The following CACNA1C variants were observed in gnomAD, a reference collection of about 807,000 sequenced individuals.
CACNA1C encodes calcium voltage-gated channel subunit alpha1 C.
Under a neutral mutation model 229.0 loss-of-function variants are expected in CACNA1C, and 30 were observed. The observed-to-expected ratio is 0.13, with a 90% CI of 0.10 to 0.18. The LOEUF is 0.18. Ranked by LOEUF, CACNA1C falls within the 10% of genes least tolerant of loss-of-function variation. The probability of loss-of-function intolerance (pLI) is 1.00; values close to 1 mark genes in which losing one functional copy is unlikely to be tolerated. For synonymous variants in CACNA1C, 1,114 were observed against 1,132.5 expected, an observed-to-expected ratio of 0.98 and a Z score of 0.33; for missense variants, 1,658 against 2,845.0, an observed-to-expected ratio of 0.58 and a Z score of 9.49.
At chr12:2,137,306 C>T (rs114548768) in intron 3 of CACNA1C, among the ~76,000 whole-genome samples, 2,083 of 151,202 alleles carry the variant, frequency 0.014, 57 homozygotes, top group African/African-American at 0.046. Context: ...TTAGGTTTCT[C>T]GGCTGTGAAA....
chr12:2,596,705 G>A (rs2068407318), intron 20 of CACNA1C, among the ~76,000 whole-genome samples: 1 of 152,072 alleles, frequency 6.6e-6, no homozygotes, highest in Non-Finnish European at 1.5e-5. Flanking sequence ...CCGGTCCTCA[G>A]CCTGTGCAGA....
chr12:2,188,553 G>T (rs911892547), intron 3 of CACNA1C, among the ~76,000 whole-genome samples: 1 of 151,816 alleles, frequency 6.6e-6, no homozygotes, highest in Non-Finnish European at 1.5e-5. Flanking sequence ...TGCACCTAAT[G>T]GATAAAATCT....
chr12:2,007,615 A>G (rs981970327), intron 1 of CACNA1C, among the ~76,000 whole-genome samples: 2 of 152,230 alleles, frequency 1.3e-5, no homozygotes, highest in African/African-American at 4.8e-5. Flanking sequence ...GGAAAATTTC[A>G]CATATGTGAA....
intron 3 of CACNA1C, among the ~76,000 whole-genome samples, chr12:2,363,441 C>A (rs547793795): frequency 6.6e-6 from 1 of 152,224 alleles, no homozygotes. Context: ...GTTACCAACC[C>A]GTACTCACAA....
intron 29 of CACNA1C, among the ~76,000 whole-genome samples, chr12:2,619,413 T>TGTG (rs1366132831): frequency 6.6e-6 from 1 of 152,232 alleles, no homozygotes; most frequent in African/African-American, 2.4e-5. Context: ...CCCTCTTGTC[T>TGTG]GTGACCATTT....
At chr12:1,981,482 G>C (rs1043874558) in intron 1 of CACNA1C, among the ~76,000 whole-genome samples, 3 of 152,160 alleles carry the variant, frequency 2.0e-5, no homozygotes, top group Non-Finnish European at 4.4e-5. Flanking sequence ...AGAGAAGCCA[G>C]GACAAAATAT....
Position 2,597,723 on chromosome 12 carries a change from C to T in CACNA1C, c.2853+434C>T, listed in dbSNP as rs1419220697. On this transcript the variant is annotated intron_variant, in intron 21 of 46. Coordinates refer to ENST00000399655, the MANE Select transcript of CACNA1C (RefSeq NM_000719.7). The surrounding 1 kb of genome is among the most constrained non-coding windows in gnomAD (Gnocchi z 4.3). ...GCTCCTCCCTCCAGCCACCCCTAAG[C>T]AGTCCGTGGCCTGGAAGGGACACGT... is the stretch of plus-strand genomic sequence containing the variant. Among the ~76,000 whole-genome samples the T allele has an allele frequency of 6.6e-6, 1 of 152,212 alleles. No homozygotes were observed. Among genetic ancestry groups the T allele is most frequent in the African/African-American group, 2.4e-5 (1 of 41,446 alleles).
chr12:2,074,691 A>G (rs2062551167), intron 1 of CACNA1C, among the ~76,000 whole-genome samples: 1 of 152,140 alleles, frequency 6.6e-6, no homozygotes, highest in African/African-American at 2.4e-5. Context: ...CAGCAAATGG[A>G]TGAATTAGAC....
At position 2,378,880 on chromosome 12, in the gene CACNA1C, CA is replaced by C. The variant is rs1248855675; in HGVS notation, c.478-70095del. The stretch of plus-strand genomic sequence containing the variant: ...TTCTTTCCTTTCTTTGCCAATAGGC[CA>C]CCGTAGTCAGTTTCATGTGTCTTCC... On this transcript the variant is annotated intron_variant, in intron 3 of 46. Coordinates refer to ENST00000399655, the MANE Select transcript of CACNA1C (RefSeq NM_000719.7). 2.6e-5 allele frequency among the ~76,000 whole-genome samples: 4 copies of C among 151,568 alleles called. No homozygotes were observed. In the East Asian group the frequency reaches 5.8e-4, roughly 22 times the overall value.
At chr12:2,523,263 C>T (rs1207313054) in intron 9 of CACNA1C, among the ~76,000 whole-genome samples, 1 of 151,952 alleles carries the variant, frequency 6.6e-6, no homozygotes, top group Non-Finnish European at 1.5e-5. Flanking sequence ...ATCTTGCTCA[C>T]GGAAAGAAAA....
chr12:1,987,933 G>A (rs1271810001), intron 1 of CACNA1C, among the ~76,000 whole-genome samples: 1 of 152,128 alleles, frequency 6.6e-6, no homozygotes, highest in Non-Finnish European at 1.5e-5. Flanking sequence ...CTCTTAAAAA[G>A]TAGCTGTAAA....
At chr12:2,598,337 A>C (rs1021769542) in intron 21 of CACNA1C, among the ~76,000 whole-genome samples, 3 of 152,226 alleles carry the variant, frequency 2.0e-5, no homozygotes, top group Admixed American at 6.5e-5. Context: ...AGCCCACCTC[A>C]GGGCAACACT....
intron 3 of CACNA1C, among the ~76,000 whole-genome samples, chr12:2,417,044 C>T (rs1459448173): frequency 1.3e-5 from 2 of 152,232 alleles, no homozygotes; most frequent in African/African-American, 4.8e-5. Flanking sequence ...CTTAAACATG[C>T]TTGCAGTGGA....
At chr12:2,019,023 A>G (rs2045915156) in intron 1 of CACNA1C, among the ~76,000 whole-genome samples, 1 of 152,106 alleles carries the variant, frequency 6.6e-6, no homozygotes, top group Admixed American at 6.5e-5. Context: ...TGGGATTCTC[A>G]TGGCTGCTGT....
chr12:2,591,349 A>G (rs2065217861), intron 18 of CACNA1C, among the ~76,000 whole-genome samples: 1 of 152,110 alleles, frequency 6.6e-6, no homozygotes, highest in Admixed American at 6.5e-5. Flanking sequence ...CTTCACCTTC[A>G]TCTTATACAG....
chr12:2,635,399 T>G (rs773793305), intron 30 of CACNA1C, among the ~76,000 whole-genome samples: 6 of 152,238 alleles, frequency 3.9e-5, no homozygotes, highest in Non-Finnish European at 8.8e-5. Context: ...CGTTATTATT[T>G]TTCCTTAATT....
At chr12:2,157,725 G>T (rs1279677079) in intron 3 of CACNA1C, among the ~76,000 whole-genome samples, 4 of 152,176 alleles carry the variant, frequency 2.6e-5, no homozygotes, top group Admixed American at 2.6e-4. Context: ...AGGTCCATCA[G>T]TTAAGGATCC....
chr12:2,401,059 CCCTT>C (rs1342043275), intron 3 of CACNA1C, among the ~76,000 whole-genome samples: 1 of 152,194 alleles, frequency 6.6e-6, no homozygotes, highest in Non-Finnish European at 1.5e-5. Context: ...GCTTGGTCCT[CCCTT>C]CAGTCTCTCC....
In CACNA1C at chr12:2,493,203, A is replaced by G. The variant is rs983585877; in HGVS notation, c.930A>G (p.Glu310=). ...NQEGIADVPA[E]DDPSPCALET... is the part of the protein sequence containing the mutation. ...TGGCCATTTGAGATGTTCCAGCAGA[A>G]GATGACCCTTCCCCTTGTGCGCTGG... Residue 310 remains glutamate, a synonymous_variant, in exon 7 of 47, where the codon GAA becomes GAG. Coordinates refer to ENST00000399655, the MANE Select transcript of CACNA1C (RefSeq NM_000719.7). The surrounding 1 kb of genome is among the most constrained non-coding windows in gnomAD (Gnocchi z 4.6). 4.3e-6 allele frequency: 7 copies of G among 1,613,762 alleles called. No individual in the cohort carries two copies. Among genetic ancestry groups the G allele is most frequent in the Non-Finnish European group, 5.1e-6 (6 of 1,179,726 alleles).
Sources: allele counts gnomAD v4.1 joint callset (sites outside exome capture counted in the v4.1 genomes callset), GRCh38; gene constraint gnomAD v4.1.1; non-coding constraint Gnocchi (gnomAD v3.1); transcripts MANE v1.5; gene names NCBI Gene and HGNC (gene_info 2026-07-23, HGNC 2026-07-21).